LLGL1: variants seen among roughly 807,000 people sequenced by gnomAD.
The protein encoded by LLGL1 is lethal(2) giant larvae protein homolog 1.
A neutral mutation model predicts 110.6 loss-of-function variants in LLGL1; 58 were observed. That is an observed-to-expected ratio of 0.52 (90% CI 0.42 to 0.65). The LOEUF (loss-of-function observed/expected upper bound fraction) is 0.65. Ranked by LOEUF, LLGL1 falls within the 30% of genes least tolerant of loss-of-function variation. LLGL1 has a pLI of 0.00. For synonymous variants in LLGL1, 674 were observed against 607.2 expected, an observed-to-expected ratio of 1.11 and a Z score of -1.62; for missense variants, 1,229 against 1,462.1, an observed-to-expected ratio of 0.84 and a Z score of 2.60.
chr17:18,239,234 G>A (rs1465847357), intron 16 of LLGL1, among the ~76,000 whole-genome samples: 1 of 152,186 alleles, frequency 6.6e-6, no homozygotes, highest in African/African-American at 2.4e-5. Flanking sequence ...CCACTTGGCT[G>A]GAGTGGAGCA....
At position 18,225,658 on chromosome 17, in the gene LLGL1, C is replaced by T. The variant is rs1281944632; in HGVS notation, c.-25C>T. 1.0e-5 allele frequency: 10 copies of T among 979,694 alleles called. No individual in the cohort carries two copies. In the East Asian group the frequency reaches 4.3e-4, roughly 42 times the overall value. 60.7% of individuals were successfully genotyped at this position (979,694 alleles called of 1,614,324 possible). A position where few individuals can be genotyped will look rare whatever the true frequency, so the allele number is the denominator to read the frequency against. Reference sequence around the variant, plus strand: ...GCATCCTGCGGGCGGCGGCGGCGGGCGAGGCGCCTGCAGCCGGGCGCAAGA... The same window carrying T: ...GCATCCTGCGGGCGGCGGCGGCGGGTGAGGCGCCTGCAGCCGGGCGCAAGA... On this transcript the variant is annotated 5_prime_UTR_variant, in exon 1 of 23. Coordinates refer to ENST00000316843, the MANE Select transcript of LLGL1 (RefSeq NM_004140.4).
At position 18,242,800 on chromosome 17, in the gene LLGL1, C is replaced by T. The variant is rs1408739049; in HGVS notation, c.3174C>T (p.Ala1058=). ...ACCTGGCAGAAGACGAGGCCCACGC[C>T]TGTGCCATCCTGATCAAATGAGGTG... ...LRNLAEDEAH[A]CAILIK The change falls in exon 22 of 23, where the codon GCC becomes GCT. Residue 1058 remains alanine (A), a synonymous_variant. Coordinates refer to ENST00000316843, the MANE Select transcript of LLGL1 (RefSeq NM_004140.4). The T allele has an allele frequency of 2.6e-6, 4 of 1,557,450 alleles. No individual in the cohort carries two copies. The Middle Eastern group carries it at 5.8e-4, about 226-fold the overall frequency.
At position 18,240,628 on chromosome 17, in the gene LLGL1, T is replaced by A; in HGVS notation, c.2257T>A (p.Phe753Ile). 6.2e-7 allele frequency: 1 copy of A among 1,611,862 alleles called. No homozygotes were observed. The highest frequency in any genetic ancestry group is 1.1e-5 in the South Asian group (1 of 90,956). The change falls in exon 17 of 23, where the codon TTC (phenylalanine) becomes ATC (isoleucine). Residue 753 changes from phenylalanine to isoleucine, a missense_variant. Physicochemically the swap from Phe to Ile is conservative, Grantham distance 21. Coordinates refer to ENST00000316843, the MANE Select transcript of LLGL1 (RefSeq NM_004140.4). The surrounding 1 kb of genome is among the most constrained non-coding windows in gnomAD (Gnocchi z 5.3). ...GGCTGGCACCAACTCAGGCTCTGTG[T>A]TCGCCTATGCACTGGAGGTGCCGGC... The part of the protein sequence containing the change: ...MWAGTNSGSV[F>I]AYALEVPAAA...
rs777787495 is a variant in LLGL1 at position 18,240,574 on chromosome 17, G to T, written c.2207-4G>T. 4 of 1,586,830 alleles carry T rather than the reference G, an allele frequency of 2.5e-6. No homozygotes were observed. In the South Asian group the frequency reaches 3.4e-5, roughly 13 times the overall value. The stretch of plus-strand genomic sequence containing the variant: ...GCACCCTCCTACGCGCTTGTTTTCT[G>T]CAGGGGCCCACCACGGGCCCACCAT... On this transcript the variant is annotated splice_region_variant and splice_polypyrimidine_tract_variant and intron_variant, in intron 16 of 22. Coordinates refer to ENST00000316843, the MANE Select transcript of LLGL1 (RefSeq NM_004140.4). This position sits in a 1 kb window ranked among gnomAD's most constrained non-coding sequence, Gnocchi z 5.3.
intron 16 of LLGL1, among the ~76,000 whole-genome samples, chr17:18,239,977 C>G (rs149337342): frequency 6.6e-6 from 1 of 152,212 alleles, no homozygotes; most frequent in Non-Finnish European, 1.5e-5. Context: ...GGCTCTGATT[C>G]TCCACTAAAG....
At chr17:18,237,236 G>T (rs1364145575) in intron 13 of LLGL1, 12 of 597,340 alleles carry the variant, frequency 2.0e-5, no homozygotes, top group Admixed American at 6.0e-5. Flanking sequence ...TCAGGGTAAG[G>T]GTGGACACTT....
At position 18,241,458 on chromosome 17, in the gene LLGL1, C is replaced by T. The variant is rs770273813; in HGVS notation, c.2510C>T (p.Thr837Ile). Residue 837 changes from threonine (T) to isoleucine (I), a missense_variant, in exon 18 of 23, where the codon ACA (threonine) becomes ATA (isoleucine). Transcript: ENST00000316843. Reference sequence around the variant, plus strand: ...CCAGCCACCTGCTGTCAGGTGTTCACACTGCCCAAGGTGAGCGCGAAGACC... The same window carrying T: ...CCAGCCACCTGCTGTCAGGTGTTCATACTGCCCAAGGTGAGCGCGAAGACC... Reference protein sequence around the residue: ...IASEEQFKVFTLPKVSAKTKF... With the variant: ...IASEEQFKVFILPKVSAKTKF... 4.3e-6 allele frequency: 7 copies of T among 1,612,136 alleles called. No individual in the cohort carries two copies. Among genetic ancestry groups the T allele is most frequent in the Non-Finnish European group, 5.9e-6 (7 of 1,179,322 alleles).
At chr17:18,238,635 A>T (rs1171341465) in intron 16 of LLGL1, 26 bp downstream of exon 16, 3 of 1,595,034 alleles carry the variant, frequency 1.9e-6, no homozygotes, top group Non-Finnish European at 2.6e-6. Context: ...GGGCAGGGAC[A>T]GGGCAAGGGT....
intron 2 of LLGL1, among the ~76,000 whole-genome samples, chr17:18,231,792 T>TG (rs1302489771): frequency 7.9e-5 from 12 of 152,302 alleles, no homozygotes; most frequent in Admixed American, 5.9e-4. Flanking sequence ...CCCAAATAGC[T>TG]GGGATTACAG....
intron 1 of LLGL1, among the ~76,000 whole-genome samples, chr17:18,226,557 G>C (rs985430121): frequency 6.6e-6 from 1 of 152,254 alleles, no homozygotes; most frequent in African/African-American, 2.4e-5. Flanking sequence ...GCCTGGCTGT[G>C]TACTACACTG....
chr17:18,242,451 C>T, intron 20 of LLGL1, 57 bp from the exon 21 acceptor site: 1 of 1,607,184 alleles, frequency 6.2e-7, no homozygotes, highest in South Asian at 1.1e-5. Flanking sequence ...TCCCTAGGCC[C>T]CCAGGTGCAG....
chr17:18,230,274 A>C (rs1318403250), intron 2 of LLGL1, among the ~76,000 whole-genome samples: 1 of 152,182 alleles, frequency 6.6e-6, no homozygotes, highest in Non-Finnish European at 1.5e-5. Flanking sequence ...AGTTTGCAGT[A>C]GCACAGCTGT....
rs745687475 is a variant in LLGL1 at position 18,241,940 on chromosome 17, C to T, written c.2823C>T (p.Asn941=). The T allele has an allele frequency of 1.2e-6, 2 of 1,614,166 alleles. No individual in the cohort carries two copies. The highest frequency in any genetic ancestry group is 2.2e-5 in the South Asian group (2 of 91,080). ...EFERFSLSAR[N]ITEPLCSLDI... ...AACGCTTCTCCCTAAGTGCCCGGAA[C>T]ATCACAGAGCCGCTCTGCTCTCTGG... is the stretch of plus-strand genomic sequence containing the variant. The change falls in exon 19 of 23, where the codon AAC becomes AAT. Residue 941 remains asparagine (N), a synonymous_variant. Transcript: ENST00000316843.
intron 4 of LLGL1, among the ~76,000 whole-genome samples, chr17:18,233,016 C>T (rs1024461729): frequency 2.6e-5 from 4 of 152,206 alleles, no homozygotes; most frequent in Non-Finnish European, 5.9e-5. Flanking sequence ...GGGTTGAGTC[C>T]GACGTGAGCA....
In LLGL1 at chr17:18,237,752, G is replaced by C; in HGVS notation, c.1883G>C (p.Arg628Pro). The C allele has an allele frequency of 6.2e-7, 1 of 1,609,688 alleles. No individual in the cohort carries two copies. Among genetic ancestry groups the C allele is most frequent in the Non-Finnish European group, 8.5e-7 (1 of 1,177,844 alleles). The change falls in exon 14 of 23, where the codon CGC becomes CCC. Residue 628 changes from arginine (R) to proline (P), a missense_variant. Coordinates refer to ENST00000316843, the MANE Select transcript of LLGL1 (RefSeq NM_004140.4). ...GGCTTTGGCCTCTTCGACTACCAGC[G>C]CAAGAGCCCTGTGCTGGCCAGGTGT... is the stretch of plus-strand genomic sequence containing the variant. ...SHGFGLFDYQ[R>P]KSPVLARCTL... is the part of the protein sequence containing the mutation.
At chr17:18,242,062 C>G in intron 19 of LLGL1, 63 bp downstream of exon 19, 1 of 1,549,296 alleles carries the variant, frequency 6.5e-7, no homozygotes. Context: ...TCATCCCACC[C>G]CCGAGATCTG....
intron 17 of LLGL1, 175 bp downstream of exon 17, chr17:18,241,048 C>A: frequency 1.5e-6 from 1 of 678,940 alleles, no homozygotes; most frequent in Non-Finnish European, 2.4e-6. Context: ...TACCCAAGAA[C>A]CCTGATGCCC....
rs761190109 is a variant in LLGL1, at chr17:18,240,541, C to T, written c.2207-37C>T. The T allele has an allele frequency of 6.5e-6, 10 of 1,545,906 alleles. No individual in the cohort carries two copies. Among genetic ancestry groups the T allele is most frequent in the Admixed American group, 1.8e-5 (1 of 54,944 alleles). On this transcript the variant is annotated intron_variant, in intron 16 of 22. Transcript: ENST00000316843. The surrounding 1 kb of genome is among the most constrained non-coding windows in gnomAD (Gnocchi z 5.3). ...AAGACCCCAGGGGAGATGCCTGGCC[C>T]ACAGGGAGCACCCTCCTACGCGCTT...
At chr17:18,239,792 A>G (rs1164048984) in intron 16 of LLGL1, among the ~76,000 whole-genome samples, 3 of 150,396 alleles carry the variant, frequency 2.0e-5, no homozygotes, top group African/African-American at 7.4e-5. Flanking sequence ...CTAGAAGAGG[A>G]GAGCCTGGGG....
Sources: gnomAD v4.1 joint callset for allele counts (sites outside exome capture counted in the v4.1 genomes callset) on GRCh38, gnomAD v4.1.1 for gene constraint, Gnocchi (gnomAD v3.1) non-coding constraint, MANE v1.5 for transcripts, NCBI Gene and HGNC (gene_info 2026-07-23, HGNC 2026-07-21) for gene names.